The following SULF1 variants were observed in gnomAD, a reference collection of about 807,000 sequenced individuals.
The protein encoded by SULF1 is extracellular sulfatase Sulf-1.
In SULF1, 46 loss-of-function variants were observed where a neutral mutation model predicts 110.5. The ratio of observed to expected loss-of-function variants is 0.42; its 90% CI spans 0.33 to 0.53. The LOEUF (loss-of-function observed/expected upper bound fraction) is 0.53, where lower values mean the gene tolerates loss of function less well. Ranked by LOEUF, SULF1 falls within the 20% of genes least tolerant of loss-of-function variation. The pLI is 0.12. For missense variants in SULF1, 941 were observed against 1,094.2 expected (o/e 0.86, Z 1.98); for synonymous variants, 371 against 387.1 (o/e 0.96, Z 0.49).
chr8:69,592,852 A>G (rs1807011145), intron 8 of SULF1: 1 of 897,370 alleles, frequency 1.1e-6, no homozygotes, highest in South Asian at 5.1e-5. Flanking sequence ...CCATTGTGAC[A>G]TGACAGACCT....
At chr8:69,556,678 C>T (rs1195869504) in intron 3 of SULF1, among the ~76,000 whole-genome samples, 1 of 152,104 alleles carries the variant, frequency 6.6e-6, no homozygotes, top group Non-Finnish European at 1.5e-5. Flanking sequence ...ATTTTAAGAC[C>T]TAGCTAAGAT....
intron 3 of SULF1, among the ~76,000 whole-genome samples, chr8:69,526,312 A>C (rs1812656837): frequency 6.6e-6 from 1 of 152,154 alleles, no homozygotes; most frequent in African/African-American, 2.4e-5. Flanking sequence ...TTGATGCAAA[A>C]GAGAATTTAA....
At chr8:69,552,525 C>A (rs902914059) in intron 3 of SULF1, among the ~76,000 whole-genome samples, 4 of 152,288 alleles carry the variant, frequency 2.6e-5, no homozygotes, top group African/African-American at 9.6e-5. Context: ...AGTAGTGGTA[C>A]ATAAGGACAT....
intron 22 of SULF1, among the ~76,000 whole-genome samples, chr8:69,655,712 T>A (rs1443814527): frequency 6.6e-6 from 1 of 152,188 alleles, no homozygotes; most frequent in Non-Finnish European, 1.5e-5. Context: ...CCGGTCTAAA[T>A]CCCTGTTATC....
rs1759597370 is a variant in SULF1, at chr8:69,563,577, G to A, written c.-95G>A. On this transcript the variant is annotated 5_prime_UTR_variant, in exon 4 of 23. Coordinates refer to ENST00000402687, the MANE Select transcript of SULF1 (RefSeq NM_001128205.2). Reference sequence around the variant, plus strand: ...GATGTTCTGAATACCTCTGAGAATAGAGATTGATTATTCAACCAGGATACC... The same window carrying A: ...GATGTTCTGAATACCTCTGAGAATAAAGATTGATTATTCAACCAGGATACC... 5.7e-6 allele frequency: 1 copy of A among 173,930 alleles called. No homozygotes were observed. Among genetic ancestry groups the A allele is most frequent in the Non-Finnish European group, 1.2e-5 (1 of 81,066 alleles). 10.8% of individuals were successfully genotyped at this position (173,930 alleles called of 1,614,324 possible).
chr8:69,653,367 T>A (rs1812499339), intron 22 of SULF1, among the ~76,000 whole-genome samples: 1 of 152,204 alleles, frequency 6.6e-6, no homozygotes, highest in Admixed American at 6.5e-5. Flanking sequence ...ACATCTCTTG[T>A]GTTTTTAATT....
intron 3 of SULF1, among the ~76,000 whole-genome samples, chr8:69,519,194 A>T (rs1469239768): frequency 6.6e-6 from 1 of 152,102 alleles, no homozygotes; most frequent in Non-Finnish European, 1.5e-5. Context: ...TTCATATTCA[A>T]ACTTTGTTTC....
In SULF1 at chr8:69,604,924, C is replaced by T; in HGVS notation, c.1369C>T (p.Pro457Ser). Residue 457 changes from proline (P) to serine (S), a missense_variant, in exon 13 of 23, where the codon CCG becomes TCG. By Grantham distance (74) the Pro-to-Ser change is moderately conservative. Transcript: ENST00000402687. Reference sequence around the variant, plus strand: ...CAGGTACCAGACAGCCTGTGAACAACCGGGGCAGGTGAGTGACGCAGGCTT... The same window carrying T: ...CAGGTACCAGACAGCCTGTGAACAATCGGGGCAGGTGAGTGACGCAGGCTT... Reference protein sequence around the residue: ...QARYQTACEQPGQKWQCIEDT... With the variant: ...QARYQTACEQSGQKWQCIEDT... The T allele has an allele frequency of 6.2e-7, 1 of 1,614,148 alleles. No homozygotes were observed. The highest frequency in any genetic ancestry group is 8.5e-7 in the Non-Finnish European group (1 of 1,180,018).
At chr8:69,475,694 A>C (rs1261401806) in intron 1 of SULF1, among the ~76,000 whole-genome samples, 2 of 152,194 alleles carry the variant, frequency 1.3e-5, no homozygotes, top group Non-Finnish European at 2.9e-5. Flanking sequence ...CTGTGAACAG[A>C]CTACACTCAA....
intron 15 of SULF1, among the ~76,000 whole-genome samples, chr8:69,625,230 T>C (rs1809909373): frequency 1.3e-5 from 2 of 152,234 alleles, no homozygotes; most frequent in African/African-American, 2.4e-5. Context: ...TTTTGTTCTA[T>C]GTCTATTTGA....
intron 3 of SULF1, among the ~76,000 whole-genome samples, chr8:69,558,487 T>C (rs190663942): frequency 7.9e-4 from 121 of 152,368 alleles, no homozygotes; most frequent in Non-Finnish European, 1.1e-3. Context: ...GTTCTGACCC[T>C]GTCCCTTGCA....
chr8:69,493,448 T>TACACACACACACACACACAC (rs56867664), intron 1 of SULF1, among the ~76,000 whole-genome samples: 2 of 144,386 alleles, frequency 1.4e-5, no homozygotes, highest in African/African-American at 5.1e-5. Context: ...CACACAACAC[T>TACACACACACACACACACAC]ACACACACAC....
intron 5 of SULF1, among the ~76,000 whole-genome samples, chr8:69,565,605 C>G (rs1466993590): frequency 6.6e-6 from 1 of 152,190 alleles, no homozygotes; most frequent in East Asian, 1.9e-4. Context: ...CGGTTTGTCA[C>G]CTGGCCTGCC....
chr8:69,588,156 G>C (rs1353986519), intron 7 of SULF1, among the ~76,000 whole-genome samples: 2 of 152,198 alleles, frequency 1.3e-5, no homozygotes, highest in African/African-American at 2.4e-5. Context: ...GGTGGTTTAA[G>C]TTTTCATCTT....
chr8:69,473,767 G>A lies in SULF1; in HGVS notation c.-391+6817G>A, dbSNP rs553282652. Among the ~76,000 whole-genome samples, 3 of 152,158 alleles carry A rather than the reference G, an allele frequency of 2.0e-5. No homozygotes were observed. The East Asian group carries it at 5.8e-4, about 29-fold the overall frequency. On this transcript the variant is annotated intron_variant, in intron 1 of 22. Transcript: ENST00000260128. The stretch of plus-strand genomic sequence containing the variant: ...TTTGTTTTGCTCTATTCTTTTGTTG[G>A]CATTGACCAAATCTTCAGCTGAGCA...
chr8:69,505,844 C>T (rs1019962659), intron 3 of SULF1, among the ~76,000 whole-genome samples: 2 of 151,608 alleles, frequency 1.3e-5, no homozygotes, highest in Non-Finnish European at 2.9e-5. Context: ...AATATCAACT[C>T]ATTTAAAATT....
chr8:69,532,467 C>T (rs969372861), intron 3 of SULF1, among the ~76,000 whole-genome samples: 1 of 152,052 alleles, frequency 6.6e-6, no homozygotes, highest in African/African-American at 2.4e-5. Context: ...CCTTTTCATT[C>T]CCACAACACC....
chr8:69,626,070 T>C (rs551225808), intron 15 of SULF1: 11 of 152,080 alleles, frequency 7.2e-5, no homozygotes, highest in African/African-American at 2.7e-4. Flanking sequence ...AGGGTGCTGA[T>C]TGGTGTGTTT....
intron 13 of SULF1, among the ~76,000 whole-genome samples, chr8:69,607,750 C>T (rs994853542): frequency 1.3e-5 from 2 of 152,184 alleles, no homozygotes; most frequent in Admixed American, 6.5e-5. Flanking sequence ...TTTTTGGCGA[C>T]AGTATCCCTG....
Sources: allele counts gnomAD v4.1 joint callset (sites outside exome capture counted in the v4.1 genomes callset), GRCh38; gene constraint gnomAD v4.1.1; transcripts MANE v1.5; gene names NCBI Gene and HGNC (gene_info 2026-07-23, HGNC 2026-07-21).